The following PDE9A variants were observed in gnomAD, a reference collection of about 807,000 sequenced individuals.
PDE9A encodes the protein phosphodiesterase 9A, also known as high affinity cGMP-specific 3',5'-cyclic phosphodiesterase 9A.
PDE9A carries 60 observed loss-of-function variants against 87.4 expected under a neutral mutation model. The ratio of observed to expected loss-of-function variants is 0.69; its 90% CI spans 0.56 to 0.85. The LOEUF is 0.85. Among genes scored for constraint, PDE9A ranks in the 40% least tolerant of loss-of-function variants. The pLI is 0.00. For missense variants in PDE9A, 665 were observed against 779.0 expected (o/e 0.85, Z 1.74); for synonymous variants, 272 against 279.4 (o/e 0.97, Z 0.27).
rs1405308547 is a variant in PDE9A at position 42,739,748 on chromosome 21, T to C, written c.569-4028T>C. Among the ~76,000 whole-genome samples the C allele has an allele frequency of 6.6e-6, 1 of 151,830 alleles. No homozygotes were observed. The highest frequency in any genetic ancestry group is 2.4e-5 in the African/African-American group (1 of 41,300). Reference sequence around the variant, plus strand: ...CTCTGCACTGTCAATACAAACGCTATGCACCCATCAAAAACCATGAGCTGG... The same window carrying C: ...CTCTGCACTGTCAATACAAACGCTACGCACCCATCAAAAACCATGAGCTGG... On this transcript the variant is annotated intron_variant, in intron 7 of 19. Transcript: ENST00000291539. This position sits in a 1 kb window ranked among gnomAD's most constrained non-coding sequence, Gnocchi z 4.1.
At chr21:42,732,208 T>C in intron 6 of PDE9A, 84 bp downstream of exon 6, 1 of 1,357,590 alleles carries the variant, frequency 7.4e-7, no homozygotes, top group Non-Finnish European at 1.0e-6. Context: ...GCTCTGAGGC[T>C]GGCCTTGGCC....
intron 8 of PDE9A, among the ~76,000 whole-genome samples, chr21:42,744,066 G>C (rs1006584960): frequency 3.9e-5 from 6 of 152,206 alleles, no homozygotes; most frequent in Non-Finnish European, 7.3e-5. Context: ...AAAAGAGCAC[G>C]CATGGGCCGG....
At chr21:42,710,561 C>T (rs1032949876) in intron 4 of PDE9A, among the ~76,000 whole-genome samples, 5 of 152,186 alleles carry the variant, frequency 3.3e-5, no homozygotes, top group Admixed American at 6.5e-5. Context: ...TTTAGACATT[C>T]GAGTAGGTGT....
At chr21:42,770,881 C>T (rs1279921450) in intron 18 of PDE9A, 83 bp downstream of exon 18, 6 of 1,067,920 alleles carry the variant, frequency 5.6e-6, no homozygotes, top group South Asian at 3.9e-5. Flanking sequence ...GAAGCTTGGA[C>T]GTGCCAAGCA....
In PDE9A at chr21:42,745,328, T is replaced by C. The variant is rs1167694665; in HGVS notation, c.653+1468T>C. Among the ~76,000 whole-genome samples the C allele has an allele frequency of 5.3e-5, 8 of 152,318 alleles. 1 individual carries two copies. Among genetic ancestry groups the C allele is most frequent in the Non-Finnish European group, 1.0e-4 (7 of 68,022 alleles). ...GGGACCGTGCCACGTGTCTGTCCCA[T>C]GCACTCATGGGCTCATTTGGAGTTA... is the stretch of plus-strand genomic sequence containing the variant. On this transcript the variant is annotated intron_variant, in intron 8 of 19. Transcript: ENST00000291539.
Position 42,660,115 on chromosome 21 carries a change from C to T in PDE9A, c.69+6232C>T, listed in dbSNP as rs982177940. Among the ~76,000 whole-genome samples, 19 of 152,124 alleles carry T rather than the reference C, an allele frequency of 1.2e-4. No homozygotes were observed. Among genetic ancestry groups the T allele is most frequent in the Non-Finnish European group, 2.9e-5 (2 of 68,004 alleles). On this transcript the variant is annotated intron_variant, in intron 1 of 19. Coordinates refer to ENST00000291539, the MANE Select transcript of PDE9A (RefSeq NM_002606.3). The surrounding 1 kb of genome is among the most constrained non-coding windows in gnomAD (Gnocchi z 4.7). Reference sequence around the variant, plus strand: ...CAGGGGGTGGTGGGCAACCCTGAACCCTCTCTCACCCAATCACCTGCTCCC... The same window carrying T: ...CAGGGGGTGGTGGGCAACCCTGAACTCTCTCTCACCCAATCACCTGCTCCC...
At chr21:42,680,577 C>T (rs1210397478) in intron 1 of PDE9A, among the ~76,000 whole-genome samples, 1 of 152,232 alleles carries the variant, frequency 6.6e-6, no homozygotes, top group Non-Finnish European at 1.5e-5. Context: ...AGCCCCGGGT[C>T]CCCTGTGCCC....
At chr21:42,733,187 G>C (rs937168299) in intron 6 of PDE9A, among the ~76,000 whole-genome samples, 169 bp from the exon 7 acceptor site, 1 of 152,220 alleles carries the variant, frequency 6.6e-6, no homozygotes, top group African/African-American at 2.4e-5. Context: ...GGGACATGAT[G>C]ATTTCTGAAA....
chr21:42,774,973 G>A (rs531923045), intron 19 of PDE9A, among the ~76,000 whole-genome samples: 9 of 148,668 alleles, frequency 6.1e-5, no homozygotes, highest in South Asian at 2.1e-4. Flanking sequence ...ACGGAGTCTC[G>A]CTCTGTTGCC....
At chr21:42,664,720 T>C (rs1357462319) in intron 1 of PDE9A, among the ~76,000 whole-genome samples, 1 of 152,138 alleles carries the variant, frequency 6.6e-6, no homozygotes, top group African/African-American at 2.4e-5. Context: ...CCCCAAGGCT[T>C]CTGTAGCTCC....
In PDE9A at chr21:42,772,425, G is replaced by T; in HGVS notation, c.1687-14G>T. 6.3e-7 allele frequency: 1 copy of T among 1,590,522 alleles called. No individual in the cohort carries two copies. Among genetic ancestry groups the T allele is most frequent in the Non-Finnish European group, 8.6e-7 (1 of 1,163,410 alleles). On this transcript the variant is annotated splice_polypyrimidine_tract_variant and intron_variant, in intron 18 of 19. Transcript: ENST00000291539. ...CCTGCTCCCTGACTTGGCCTTCTCT[G>T]TACTCTGTTCCAGTTACAGAAGAAG...
At position 42,714,915 on chromosome 21, in the gene PDE9A, G is replaced by A. The variant is rs183441043; in HGVS notation, c.262+15904G>A. Among the ~76,000 whole-genome samples the A allele has an allele frequency of 5.7e-3, 846 of 147,304 alleles. 17 individuals are homozygous for A. The highest frequency in any genetic ancestry group is 0.019 in the African/African-American group (766 of 39,736). ...GAGGTTAGCTCTACCAGTCTTTGTT[G>A]ATATGGTTGGGGTTAGCTCTACCTG... On this transcript the variant is annotated intron_variant, in intron 4 of 19. Transcript: ENST00000291539.
At chr21:42,763,926 G>T (rs772352288) in intron 14 of PDE9A, among the ~76,000 whole-genome samples, 8 of 152,256 alleles carry the variant, frequency 5.3e-5, no homozygotes, top group Non-Finnish European at 1.0e-4. Context: ...CTCCGAGGAA[G>T]CAGCATGCTC....
At chr21:42,720,561 G>T (rs1355604350) in intron 4 of PDE9A, among the ~76,000 whole-genome samples, 1 of 152,090 alleles carries the variant, frequency 6.6e-6, no homozygotes, top group East Asian at 1.9e-4. Flanking sequence ...AATAAAATAG[G>T]TATCTCTGGG....
At chr21:42,740,704 G>A (rs868537683) in intron 7 of PDE9A, among the ~76,000 whole-genome samples, 4 of 133,346 alleles carry the variant, frequency 3.0e-5, no homozygotes, top group Non-Finnish European at 6.3e-5. Flanking sequence ...TAGGTAGGTA[G>A]TAGATAGATA....
chr21:42,752,765 C>G (rs1456167338), intron 9 of PDE9A, among the ~76,000 whole-genome samples: 3 of 152,168 alleles, frequency 2.0e-5, no homozygotes, highest in African/African-American at 7.2e-5. Flanking sequence ...TGTGCAATAC[C>G]AAAGCAGTGT....
Position 42,704,056 on chromosome 21 carries a change from C to T in PDE9A, c.262+5045C>T, listed in dbSNP as rs147991626. Among the ~76,000 whole-genome samples the T allele has an allele frequency of 1.6e-4, 24 of 152,296 alleles. No homozygotes were observed. Among genetic ancestry groups the T allele is most frequent in the African/African-American group, 5.3e-4 (22 of 41,554 alleles). On this transcript the variant is annotated intron_variant, in intron 4 of 19. Transcript: ENST00000291539. This position sits in a 1 kb window ranked among gnomAD's most constrained non-coding sequence, Gnocchi z 5.3. ...GGGCCCAGGCTCCCGCCAGCCCTCA[C>T]GGCAGCACGAGGCTGGTACGAGACA...
Position 42,773,580 on chromosome 21 carries a change from G to GA in PDE9A, c.1768+1060_1768+1061insA, listed in dbSNP as rs568252084. On this transcript the variant is annotated intron_variant, in intron 19 of 19. Coordinates refer to ENST00000291539, the MANE Select transcript of PDE9A (RefSeq NM_002606.3). The stretch of plus-strand genomic sequence containing the variant: ...CCAAGCACTTTGGGAGGCCAAGGCG[G>GA]CGGATCACGAGGAGATCGAGACCAT... 9.2e-4 allele frequency among the ~76,000 whole-genome samples: 140 copies of GA among 151,832 alleles called. 2 individuals are homozygous for GA. In the South Asian group the frequency reaches 0.025, roughly 27 times the overall value.
chr21:42,654,026 G>A (rs2056848363), intron 1 of PDE9A, 143 bp downstream of exon 1: 1 of 454,116 alleles, frequency 2.2e-6, no homozygotes, highest in African/African-American at 2.2e-5. Context: ...CGGGGGCGGG[G>A]GTCCCCACGC....
Sources: gnomAD v4.1 joint callset for allele counts (sites outside exome capture counted in the v4.1 genomes callset) on GRCh38, gnomAD v4.1.1 for gene constraint, Gnocchi (gnomAD v3.1) non-coding constraint, MANE v1.5 for transcripts, NCBI Gene and HGNC (gene_info 2026-07-23, HGNC 2026-07-21) for gene names.